FGF17: variants seen among roughly 807,000 people sequenced by gnomAD.
FGF17 encodes the protein fibroblast growth factor 17.
In FGF17, 5 loss-of-function variants were observed where a neutral mutation model predicts 23.5. That is an observed-to-expected ratio of 0.21 (90% CI 0.11 to 0.45). FGF17 has a LOEUF of 0.45. Among genes scored for constraint, FGF17 ranks in the 20% least tolerant of loss-of-function variants. The pLI, the probability that FGF17 is intolerant of heterozygous loss-of-function variation, is 0.99. For missense variants in FGF17, 221 were observed against 306.9 expected (o/e 0.72, Z 2.09); for synonymous variants, 136 against 123.0 (o/e 1.11, Z -0.70).
Position 22,046,251 on chromosome 8 carries a change from G to A in FGF17, c.210G>A (p.Gly70=), listed in dbSNP as rs373182132. ...GTGGCAAGCACGTGCAGGTCACCGG[G>A]CGTCGCATCTCCGCCACCGCCGAGG... is the stretch of plus-strand genomic sequence containing the variant. ...RTSGKHVQVT[G]RRISATAEDG... The change falls in exon 3 of 5, where the codon GGG becomes GGA. Residue 70 remains glycine (G), a synonymous_variant. Transcript: ENST00000359441. The A allele has an allele frequency of 1.9e-6, 3 of 1,613,836 alleles. No homozygotes were observed. Among genetic ancestry groups the A allele is most frequent in the Non-Finnish European group, 2.5e-6 (3 of 1,179,996 alleles).
At chr8:22,045,085 G>A (rs1286548388) in intron 2 of FGF17, 3 of 985,446 alleles carry the variant, frequency 3.0e-6, no homozygotes, top group East Asian at 2.3e-4. Flanking sequence ...GTCGCACCTT[G>A]CAGGATGGAG....
Position 22,046,209 on chromosome 8 carries a change from A to G in FGF17, c.168A>G (p.Gln56=). Reference sequence around the variant, plus strand: ...GCAGGCGGCAGATCCGCGAGTACCAACTCTACAGCAGGACCAGTGGCAAGC... The same window carrying G: ...GCAGGCGGCAGATCCGCGAGTACCAGCTCTACAGCAGGACCAGTGGCAAGC... ...QLSRRQIREY[Q]LYSRTSGKHV... Residue 56 remains glutamine (Q), a synonymous_variant, in exon 3 of 5, where the codon CAA becomes CAG. Coordinates refer to ENST00000359441, the MANE Select transcript of FGF17 (RefSeq NM_003867.4). The G allele has an allele frequency of 2.5e-6, 4 of 1,613,978 alleles. No homozygotes were observed. The highest frequency in any genetic ancestry group is 3.4e-6 in the Non-Finnish European group (4 of 1,180,010).
intron 2 of FGF17, among the ~76,000 whole-genome samples, chr8:22,044,165 C>T (rs1357881233): frequency 6.6e-6 from 1 of 151,944 alleles, no homozygotes; most frequent in African/African-American, 2.4e-5. Context: ...TGGAGGGGAA[C>T]TAGCACAATG....
intron 4 of FGF17, among the ~76,000 whole-genome samples, chr8:22,046,950 ATTTTTTT>A (rs3038873): frequency 8.3e-6 from 1 of 120,576 alleles, no homozygotes; most frequent in Non-Finnish European, 1.6e-5. Flanking sequence ...TGCCCAGCTA[ATTTTTTT>A]TTTTTTTTTT....
chr8:22,048,347 C>A lies in FGF17; in HGVS notation c.*98C>A. On this transcript the variant is annotated 3_prime_UTR_variant, in exon 5 of 5. Transcript: ENST00000359441. This position sits in a 1 kb window ranked among gnomAD's most constrained non-coding sequence, Gnocchi z 6.9. ...TGGGGTGGCGGGAGGGGAGCCAGATCCCCGAGGGAGGACCCTGAGGGCCGC... is the reference window on the plus strand; with the variant it reads ...TGGGGTGGCGGGAGGGGAGCCAGATACCCGAGGGAGGACCCTGAGGGCCGC... The A allele has an allele frequency of 9.0e-7, 1 of 1,115,738 alleles. No individual in the cohort carries two copies. The highest frequency in any genetic ancestry group is 1.3e-6 in the Non-Finnish European group (1 of 799,812). The allele number at this position is 1,115,738 out of a possible 1,614,324, so 69.1% of individuals were successfully genotyped here.
At chr8:22,043,857 T>C (rs1418750369) in intron 2 of FGF17, among the ~76,000 whole-genome samples, 1 of 149,166 alleles carries the variant, frequency 6.7e-6, no homozygotes, top group Non-Finnish European at 1.5e-5. Flanking sequence ...GCTATTAAAA[T>C]GCACTGGTCC....
In FGF17 at chr8:22,047,834, C is replaced by T. The variant is rs192666761; in HGVS notation, c.358-122C>T. Reference sequence around the variant, plus strand: ...ATGCCATCTCACCAGGCAGAGTTCCCTGGGCTCACGGCCCCGTTGTTCCCG... The same window carrying T: ...ATGCCATCTCACCAGGCAGAGTTCCTTGGGCTCACGGCCCCGTTGTTCCCG... On this transcript the variant is annotated intron_variant, in intron 4 of 4. Coordinates refer to ENST00000359441, the MANE Select transcript of FGF17 (RefSeq NM_003867.4). 7.3e-6 allele frequency: 7 copies of T among 954,680 alleles called. No homozygotes were observed. In the African/African-American group the frequency reaches 1.2e-4, roughly 16 times the overall value. 59.1% of individuals were successfully genotyped at this position (954,680 alleles called of 1,614,324 possible). A position where few individuals can be genotyped will look rare whatever the true frequency, so the allele number is the denominator to read the frequency against.
chr8:22,048,159 C>T lies in FGF17; in HGVS notation c.561C>T (p.Asn187=). 1 of 1,613,340 alleles carries T rather than the reference C, an allele frequency of 6.2e-7. No individual in the cohort carries two copies. Among genetic ancestry groups the T allele is most frequent in the Admixed American group, 1.7e-5 (1 of 60,000 alleles). The change falls in exon 5 of 5, where the codon AAC becomes AAT. Residue 187 remains asparagine, a synonymous_variant. Coordinates refer to ENST00000359441, the MANE Select transcript of FGF17 (RefSeq NM_003867.4). This position sits in a 1 kb window ranked among gnomAD's most constrained non-coding sequence, Gnocchi z 6.9. ...RLYQGQLPFP[N]HAEKQKQFEF... ...ACCAAGGCCAGCTGCCCTTCCCCAA[C>T]CACGCCGAGAAGCAGAAGCAGTTCG...
At chr8:22,044,697 T>C in intron 2 of FGF17, 2 of 985,614 alleles carry the variant, frequency 2.0e-6, no homozygotes, top group Non-Finnish European at 2.4e-6. Context: ...GGGCAGGTCT[T>C]GCAGAGGCTA....
upstream of FGF17, among the ~76,000 whole-genome samples, chr8:22,039,682 C>T (rs1283139890): frequency 5.3e-5 from 8 of 152,034 alleles, no homozygotes; most frequent in African/African-American, 1.9e-4. Flanking sequence ...GAGCTGAGAT[C>T]GCGCCATTGC....
At position 22,046,728 on chromosome 8, in the gene FGF17, ACCCT is replaced by A. The variant is rs1364566910; in HGVS notation, c.357+98_357+101del. The A allele has an allele frequency of 9.8e-6, 8 of 815,082 alleles. No homozygotes were observed. The East Asian group carries it at 2.1e-4, about 22-fold the overall frequency. 50.5% of individuals were successfully genotyped at this position (815,082 alleles called of 1,614,324 possible). ...CTCCCCTCTCTCCTCTGAGCCACAC[ACCCT>A]CCTGTGTAAAGACTTCCCATCCTAC... On this transcript the variant is annotated intron_variant, in intron 4 of 4. Coordinates refer to ENST00000359441, the MANE Select transcript of FGF17 (RefSeq NM_003867.4).
chr8:22,042,884 G>A lies in FGF17; in HGVS notation c.-45G>A, dbSNP rs1490362986. 6.2e-7 allele frequency: 1 copy of A among 1,610,888 alleles called. No homozygotes were observed. ...CTGGGGACTTCCCACATCTGCTCCT[G>A]AGCTTGGGGGCAGGGGGGCAACCGC... On this transcript the variant is annotated 5_prime_UTR_variant, in exon 1 of 5. Coordinates refer to ENST00000359441, the MANE Select transcript of FGF17 (RefSeq NM_003867.4).
At position 22,048,266 on chromosome 8, in the gene FGF17, C is replaced by T; in HGVS notation, c.*17C>T. 1 of 1,574,178 alleles carries T rather than the reference C, an allele frequency of 6.4e-7. No homozygotes were observed. Among genetic ancestry groups the T allele is most frequent in the Non-Finnish European group, 8.6e-7 (1 of 1,158,084 alleles). On this transcript the variant is annotated 3_prime_UTR_variant, in exon 5 of 5. Coordinates refer to ENST00000359441, the MANE Select transcript of FGF17 (RefSeq NM_003867.4). This position sits in a 1 kb window ranked among gnomAD's most constrained non-coding sequence, Gnocchi z 6.9. The stretch of plus-strand genomic sequence containing the variant: ...CTCACGTAGTCTGGGAGGCAGGGGG[C>T]AGCAGCCCCTGGGCCGCCTCCCCAC...
upstream of FGF17, chr8:22,042,767 T>C: frequency 6.1e-6 from 3 of 495,652 alleles, no homozygotes; most frequent in Non-Finnish European, 1.1e-5. Flanking sequence ...TCCTCCTCCC[T>C]CTTTTCTCTC....
At chr8:22,045,811 G>T in intron 2 of FGF17, 1 of 1,307,682 alleles carries the variant, frequency 7.6e-7, no homozygotes, top group Non-Finnish European at 9.8e-7. Flanking sequence ...ATACGAGGAC[G>T]GGATAGAACC....
intron 2 of FGF17, 167 bp from the exon 3 acceptor site, chr8:22,045,947 G>T: frequency 1.3e-6 from 2 of 1,528,590 alleles, no homozygotes; most frequent in Non-Finnish European, 1.8e-6. Context: ...GGTTATGACC[G>T]GCTCACCCAG....
At chr8:22,044,863 T>G in intron 2 of FGF17, 3 of 985,292 alleles carry the variant, frequency 3.0e-6, no homozygotes, top group Non-Finnish European at 3.6e-6. Flanking sequence ...TAGGAGAGAG[T>G]AGCCCCTAAC....
upstream of FGF17, among the ~76,000 whole-genome samples, chr8:22,041,683 G>A (rs1011528877): frequency 6.6e-6 from 1 of 152,226 alleles, no homozygotes; most frequent in Non-Finnish European, 1.5e-5. Context: ...GGCTGGATCT[G>A]CAGGGTGGCA....
At chr8:22,045,619 G>A in intron 2 of FGF17, 3 of 1,048,760 alleles carry the variant, frequency 2.9e-6, no homozygotes, top group South Asian at 3.4e-5. Flanking sequence ...TCTGCTCTGT[G>A]CCCGTGTGCT....
Sources: gnomAD v4.1 joint callset for allele counts (sites outside exome capture counted in the v4.1 genomes callset) on GRCh38, gnomAD v4.1.1 for gene constraint, Gnocchi (gnomAD v3.1) non-coding constraint, MANE v1.5 for transcripts, NCBI Gene and HGNC (gene_info 2026-07-23, HGNC 2026-07-21) for gene names.